SERPINF2: variants seen among roughly 807,000 people sequenced by gnomAD.
SERPINF2 encodes alpha-2-antiplasmin.
In SERPINF2, 15 loss-of-function variants were observed where a neutral mutation model predicts 45.0. The observed-to-expected ratio is 0.33, with a 90% CI of 0.22 to 0.51. The LOEUF (loss-of-function observed/expected upper bound fraction) is 0.51, where lower values mean the gene tolerates loss of function less well. SERPINF2 is among the 20% of genes least tolerant of loss of function. The probability of loss-of-function intolerance (pLI) is 0.97; values close to 1 mark genes in which losing one functional copy is unlikely to be tolerated. For missense variants in SERPINF2, 518 were observed against 637.4 expected (o/e 0.81, Z 2.02); for synonymous variants, 283 against 277.9 (o/e 1.02, Z -0.18).
At chr17:1,744,808 T>C (rs1905643531) in intron 1 of SERPINF2, 184 bp from the exon 2 acceptor site, 1 of 985,452 alleles carries the variant, frequency 1.0e-6, no homozygotes, top group African/African-American at 1.7e-5. Flanking sequence ...CCAGGGCGGA[T>C]GTCCCAGCTG....
Position 1,745,548 on chromosome 17 carries a change from C to A in SERPINF2, c.165+153C>A. On this transcript the variant is annotated intron_variant, in intron 4 of 9. Transcript: ENST00000453066. The surrounding 1 kb of genome is among the most constrained non-coding windows in gnomAD (Gnocchi z 6.2). ...GGGTGGGGAGGACCGAAGGTGGGCG[C>A]CAGGCCCCAGAATGCCAGTGCCCTC... 2 of 1,188,404 alleles carry A rather than the reference C, an allele frequency of 1.7e-6. No individual in the cohort carries two copies. Among genetic ancestry groups the A allele is most frequent in the Non-Finnish European group, 2.4e-6 (2 of 829,996 alleles). 73.6% of individuals were successfully genotyped at this position (1,188,404 alleles called of 1,614,324 possible).
chr17:1,754,514 C>A lies in SERPINF2; in HGVS notation c.1456C>A (p.Gln486Lys), dbSNP rs1906684395. The A allele has an allele frequency of 6.2e-7, 1 of 1,610,302 alleles. No individual in the cohort carries two copies. The highest frequency in any genetic ancestry group is 1.7e-5 in the Admixed American group (1 of 59,734). Reference sequence around the variant, plus strand: ...GCCCCCCATGGAGGAGGATTACCCCCAGTTTGGCAGCCCCAAGTGAGGGGC... The same window carrying A: ...GCCCCCCATGGAGGAGGATTACCCCAAGTTTGGCAGCCCCAAGTGAGGGGC... ...LVPPMEEDYP[Q>K]FGSPK The change falls in exon 10 of 10, where the codon CAG becomes AAG. Residue 486 changes from glutamine to lysine, a missense_variant. Physicochemically the swap from Gln to Lys is moderately conservative, Grantham distance 53 (BLOSUM62 1). Coordinates refer to ENST00000453066, the MANE Select transcript of SERPINF2 (RefSeq NM_000934.4).
chr17:1,746,952 A>G, intron 5 of SERPINF2, 67 bp from the exon 6 acceptor site: 1 of 1,573,102 alleles, frequency 6.4e-7, no homozygotes, highest in African/African-American at 1.3e-5. Flanking sequence ...TCCAGGAGGG[A>G]CTGGAGTGGG....
At position 1,751,763 on chromosome 17, in the gene SERPINF2, GA is replaced by G. The variant is rs1369185320; in HGVS notation, c.859-814del. Among the ~76,000 whole-genome samples the G allele has an allele frequency of 2.2e-4, 20 of 90,308 alleles. 4 individuals carry two copies. Among genetic ancestry groups the G allele is most frequent in the Non-Finnish European group, 3.2e-4 (14 of 43,260 alleles). The allele number at this position is 90,308 out of a possible 152,430, so 59.2% of individuals were successfully genotyped here. A position where few individuals can be genotyped will look rare whatever the true frequency, so the allele number is the denominator to read the frequency against. ...TGCGAGACTCCAACTCAAAAGAAAAGAAAAAAAAAGAAATCTTAAGCCAAAT... is the reference window on the plus strand; with the variant it reads ...TGCGAGACTCCAACTCAAAAGAAAAGAAAAAAAAGAAATCTTAAGCCAAAT... On this transcript the variant is annotated intron_variant, in intron 8 of 9. Coordinates refer to ENST00000453066, the MANE Select transcript of SERPINF2 (RefSeq NM_000934.4).
chr17:1,744,775 C>T, intron 1 of SERPINF2: 1 of 985,364 alleles, frequency 1.0e-6, no homozygotes, highest in Non-Finnish European at 1.2e-6. Flanking sequence ...TATGAAACAC[C>T]AGAAACTAAA....
Position 1,754,695 on chromosome 17 carries a change from G to GGGGGC in SERPINF2, c.*161_*162insGGGGC. On this transcript the variant is annotated 3_prime_UTR_variant, in exon 10 of 10. Transcript: ENST00000453066. ...TTGGGGAGTTTAGGGTGGGGGGGGG[G>GGGGGC]CGCGGCTGGGAGGAGGGCAGGCATC... 1 of 316,614 alleles carries GGGGGC rather than the reference G, an allele frequency of 3.2e-6. No individual in the cohort carries two copies. Among genetic ancestry groups the GGGGGC allele is most frequent in the South Asian group, 2.9e-5 (1 of 34,234 alleles). 19.6% of individuals were successfully genotyped at this position (316,614 alleles called of 1,614,324 possible).
At position 1,754,296 on chromosome 17, in the gene SERPINF2, G is replaced by A. The variant is rs1304021302; in HGVS notation, c.1238G>A (p.Arg413His). 2 of 1,614,024 alleles carry A rather than the reference G, an allele frequency of 1.2e-6. No homozygotes were observed. Among genetic ancestry groups the A allele is most frequent in the South Asian group, 1.1e-5 (1 of 91,090 alleles). ...RMSLSSFSVN[R>H]PFLFFIFEDT... is the part of the protein sequence containing the mutation. ...TCCCTGTCCTCCTTCAGCGTGAACC[G>A]CCCCTTCCTCTTCTTCATCTTCGAG... The change falls in exon 10 of 10, where the codon CGC (arginine) becomes CAC (histidine). Residue 413 changes from arginine (R) to histidine (H), a missense_variant. By Grantham distance (29) the Arg-to-His change is conservative. This residue lies in a region of SERPINF2 where 435 missense variants were observed against 577.3 expected (regional missense o/e 0.75). Transcript: ENST00000453066.
intron 1 of SERPINF2, among the ~76,000 whole-genome samples, chr17:1,743,780 T>C (rs1053665861): frequency 6.8e-6 from 1 of 148,130 alleles, no homozygotes. Context: ...AGGAGCTCTG[T>C]GTTGGAGCTC....
rs528329599 is a variant in SERPINF2 at position 1,754,621 on chromosome 17, G to A, written c.*87G>A. The A allele has an allele frequency of 1.1e-5, 16 of 1,523,456 alleles. No individual in the cohort carries two copies. In the East Asian group the frequency reaches 2.9e-4, roughly 28 times the overall value. The allele number at this position is 1,523,456 out of a possible 1,614,324, so 94.4% of individuals were successfully genotyped here. A position where few individuals can be genotyped will look rare whatever the true frequency, so the allele number is the denominator to read the frequency against. On this transcript the variant is annotated 3_prime_UTR_variant, in exon 10 of 10. Coordinates refer to ENST00000453066, the MANE Select transcript of SERPINF2 (RefSeq NM_000934.4). The stretch of plus-strand genomic sequence containing the variant: ...TTTCCAACCGGCTTTGTGGCACTGG[G>A]GCAGGGGCCGGGGGCAGTCTGAGAG...
At chr17:1,748,025 C>T (rs1906009317) in intron 7 of SERPINF2, among the ~76,000 whole-genome samples, 5 of 149,142 alleles carry the variant, frequency 3.4e-5, no homozygotes, top group African/African-American at 7.4e-5. Context: ...AGGGGCTGGG[C>T]GCGGTGGCTC....
Position 1,755,175 on chromosome 17 carries a change from G to A in SERPINF2, c.*641G>A, listed in dbSNP as rs1906747659. ...TCCTCTGCCCGGGAGCTCAGGAACC[G>A]AGGCAGGGAAGGATCCCATGAGCTC... On this transcript the variant is annotated 3_prime_UTR_variant, in exon 10 of 10. Transcript: ENST00000453066. This position sits in a 1 kb window ranked among gnomAD's most constrained non-coding sequence, Gnocchi z 4.2. The A allele has an allele frequency of 6.5e-6, 1 of 153,366 alleles. No homozygotes were observed. The highest frequency in any genetic ancestry group is 1.5e-5 in the Non-Finnish European group (1 of 68,816). The allele number at this position is 153,366 out of a possible 1,614,324, so 9.5% of individuals were successfully genotyped here.
intron 5 of SERPINF2, 76 bp from the exon 6 acceptor site, chr17:1,746,943 C>A: frequency 6.4e-7 from 1 of 1,558,264 alleles, no homozygotes; most frequent in Non-Finnish European, 8.7e-7. Flanking sequence ...TCACGGGTAT[C>A]CAGGAGGGAC....
rs148022156 is a variant in SERPINF2 at position 1,745,190 on chromosome 17, G to A, written c.79G>A (p.Ala27Thr). The A allele has an allele frequency of 2.2e-5, 34 of 1,568,586 alleles. No individual in the cohort carries two copies. The highest frequency in any genetic ancestry group is 5.7e-5 in the Admixed American group (3 of 52,484). The change falls in exon 3 of 10, where the codon GCC becomes ACC. Residue 27 changes from alanine to threonine, a missense_variant. By Grantham distance (58) the Ala-to-Thr change is moderately conservative. This residue lies in a region of SERPINF2 where 435 missense variants were observed against 577.3 expected (regional missense o/e 0.75). Transcript: ENST00000453066. This position sits in a 1 kb window ranked among gnomAD's most constrained non-coding sequence, Gnocchi z 6.2. ...GPCSVFSPVS[A>T]MEPLGRQLTS... is the part of the protein sequence containing the mutation. ...TTCTCCACAGTTCTCCCCTGTGAGCGCCATGGAGCCCTTGGGCCGGCAGGT... is the reference window on the plus strand; with the variant it reads ...TTCTCCACAGTTCTCCCCTGTGAGCACCATGGAGCCCTTGGGCCGGCAGGT...
Position 1,752,672 on chromosome 17 carries a change from C to A in SERPINF2, c.945C>A (p.Ala315=), listed in dbSNP as rs1051873465. The A allele has an allele frequency of 3.7e-6, 6 of 1,614,046 alleles. No homozygotes were observed. In the African/African-American group the frequency reaches 8.0e-5, roughly 22 times the overall value. The change falls in exon 9 of 10, where the codon GCC becomes GCA. Residue 315 remains alanine, a synonymous_variant. Coordinates refer to ENST00000453066, the MANE Select transcript of SERPINF2 (RefSeq NM_000934.4). ...HFEWNVSQVL[A]NLSWDTLHPP... is the part of the protein sequence containing the mutation. ...AATGGAACGTGTCCCAGGTACTGGC[C>A]AACCTGAGTTGGGACACCCTGCACC...
Position 1,754,598 on chromosome 17 carries a change from TC to T in SERPINF2, c.*66del. The T allele has an allele frequency of 6.4e-7, 1 of 1,564,686 alleles. No homozygotes were observed. Among genetic ancestry groups the T allele is most frequent in the Non-Finnish European group, 8.6e-7 (1 of 1,164,156 alleles). On this transcript the variant is annotated 3_prime_UTR_variant, in exon 10 of 10. Coordinates refer to ENST00000453066, the MANE Select transcript of SERPINF2 (RefSeq NM_000934.4). ...CAGCCTCTCCACTCATGTGACTCTTTCCAACCGGCTTTGTGGCACTGGGGCA... is the reference window on the plus strand; with the variant it reads ...CAGCCTCTCCACTCATGTGACTCTTTCAACCGGCTTTGTGGCACTGGGGCA...
At position 1,744,766 on chromosome 17, in the gene SERPINF2, A is replaced by G. The variant is rs534855576; in HGVS notation, c.-4-226A>G. On this transcript the variant is annotated intron_variant, in intron 1 of 9. Transcript: ENST00000453066. ...CCTCAGTGCATGAAATGCATGAAAT[A>G]TGAAACACCAGAAACTAAAAAGGGG... 38 of 985,404 alleles carry G rather than the reference A, an allele frequency of 3.9e-5. No individual in the cohort carries two copies. In the African/African-American group the frequency reaches 6.5e-4, roughly 17 times the overall value. The allele number at this position is 985,404 out of a possible 1,614,324, so 61.0% of individuals were successfully genotyped here.
chr17:1,747,240 T>C, intron 6 of SERPINF2, 69 bp from the exon 7 acceptor site: 2 of 1,610,252 alleles, frequency 1.2e-6, no homozygotes, highest in Non-Finnish European at 8.5e-7. Context: ...GGGCCTCTGG[T>C]AGCGAGTAGG....
intron 1 of SERPINF2, 132 bp downstream of exon 1, chr17:1,743,040 T>C: frequency 1.0e-6 from 1 of 985,188 alleles, no homozygotes; most frequent in Non-Finnish European, 1.2e-6. Flanking sequence ...CTTGAAAAAC[T>C]GGAGCCTGTT....
Position 1,745,162 on chromosome 17 carries a change from C to A in SERPINF2, c.64-13C>A. On this transcript the variant is annotated splice_polypyrimidine_tract_variant and intron_variant, in intron 2 of 9. Transcript: ENST00000453066. This position sits in a 1 kb window ranked among gnomAD's most constrained non-coding sequence, Gnocchi z 6.2. ...TCCGAGGGGACCTCCTATCCTCATC[C>A]CTTTCTCCACAGTTCTCCCCTGTGA... 6.3e-7 allele frequency: 1 copy of A among 1,576,262 alleles called. No individual in the cohort carries two copies. Among genetic ancestry groups the A allele is most frequent in the Middle Eastern group, 1.7e-4 (1 of 5,982 alleles).
Sources: gnomAD v4.1 joint callset for allele counts (sites outside exome capture counted in the v4.1 genomes callset) on GRCh38, gnomAD v4.1.1 for gene constraint, gnomAD v4.1.1 regional missense constraint, Gnocchi (gnomAD v3.1) non-coding constraint, MANE v1.5 for transcripts, NCBI Gene and HGNC (gene_info 2026-07-23, HGNC 2026-07-21) for gene names.